EEIG1: variants seen among roughly 807,000 people sequenced by gnomAD.
The protein encoded by EEIG1 is early estrogen-induced gene 1 protein.
chr9:127,956,732 T>TTATTA, the EEIG1 span, among the ~76,000 whole-genome samples: 1 of 149,534 alleles, frequency 6.7e-6, no homozygotes, highest in East Asian at 2.0e-4. Flanking sequence ...TATTATTATT[T>TTATTA]GAGACAGAGT....
the EEIG1 span, chr9:127,953,749 T>C: frequency 6.2e-7 from 1 of 1,613,606 alleles, no homozygotes; most frequent in Non-Finnish European, 8.5e-7. Flanking sequence ...TGCGGACTCA[T>C]GAGGGGAGGG....
chr9:127,974,103 A>ACTAGGCAT, the EEIG1 span, among the ~76,000 whole-genome samples: 5 of 152,130 alleles, frequency 3.3e-5, no homozygotes, highest in Non-Finnish European at 7.4e-5. Context: ...CTTACTAAGT[A>ACTAGGCAT]CTAGGCATGA....
chr9:127,949,194 G>T, the EEIG1 span, among the ~76,000 whole-genome samples: 2 of 151,444 alleles, frequency 1.3e-5, no homozygotes, highest in African/African-American at 4.9e-5. Context: ...GGCACCTGTA[G>T]TCCCAGCTAC....
At chr9:127,944,946 A>G in the EEIG1 span, 1 of 1,590,536 alleles carries the variant, frequency 6.3e-7, no homozygotes, top group Non-Finnish European at 8.6e-7. Context: ...GGGCAGTAAC[A>G]GGTACAAGCA....
At chr9:127,943,487 T>G in the EEIG1 span, 1 of 543,626 alleles carries the variant, frequency 1.8e-6, no homozygotes, top group Admixed American at 3.2e-5. Flanking sequence ...ATCCTCACGG[T>G]CACCTCGGCA....
the EEIG1 span, chr9:127,979,846 G>A: frequency 1.0e-6 from 1 of 995,020 alleles, no homozygotes; most frequent in Non-Finnish European, 1.4e-6. Flanking sequence ...CTCAGGCCCA[G>A]TCCTGCCTTG....
the EEIG1 span, among the ~76,000 whole-genome samples, chr9:127,952,111 C>T: frequency 1.3e-5 from 2 of 152,242 alleles, no homozygotes; most frequent in Non-Finnish European, 2.9e-5. Flanking sequence ...GCTGGTAATT[C>T]CTTTCCTGGC....
At chr9:127,976,479 T>C in the EEIG1 span, among the ~76,000 whole-genome samples, 1 of 152,256 alleles carries the variant, frequency 6.6e-6, no homozygotes, top group Non-Finnish European at 1.5e-5. This position sits in a 1 kb window ranked among gnomAD's most constrained non-coding sequence, Gnocchi z 4.1. Context: ...CTGGGTGACC[T>C]CTGGCACTCA....
chr9:127,973,564 A>G, the EEIG1 span, among the ~76,000 whole-genome samples: 5 of 152,192 alleles, frequency 3.3e-5, no homozygotes, highest in Non-Finnish European at 7.4e-5. This position sits in a 1 kb window ranked among gnomAD's most constrained non-coding sequence, Gnocchi z 4.2. Flanking sequence ...CCAACAGTGC[A>G]GCCAGCTGGC....
chr9:127,943,105 G>T, the EEIG1 span: 1 of 1,256,702 alleles, frequency 8.0e-7, no homozygotes, highest in Non-Finnish European at 1.2e-6. Flanking sequence ...GCGCAGAGGT[G>T]ATCTGAAGGG....
At chr9:127,953,945 G>A in the EEIG1 span, 3 of 1,612,926 alleles carry the variant, frequency 1.9e-6, no homozygotes, top group Non-Finnish European at 2.5e-6. Context: ...AGAGGCGACA[G>A]GTGAGCACAG....
chr9:127,974,232 T>C, the EEIG1 span, among the ~76,000 whole-genome samples: 8 of 152,132 alleles, frequency 5.3e-5, no homozygotes, highest in Non-Finnish European at 1.0e-4. Context: ...CCAACTCCCA[T>C]TGTCCTTCCC....
the EEIG1 span, among the ~76,000 whole-genome samples, chr9:127,963,563 G>A: frequency 6.6e-6 from 1 of 152,178 alleles, no homozygotes. Context: ...GCTATTTCTG[G>A]GCTGTCTGGA....
the EEIG1 span, among the ~76,000 whole-genome samples, chr9:127,966,879 G>A: frequency 1.2e-3 from 182 of 152,274 alleles, 3 homozygotes; most frequent in African/African-American, 4.1e-3. Context: ...GGTAACGGGT[G>A]GTCTGTACTC....
chr9:127,967,353 G>A, the EEIG1 span, among the ~76,000 whole-genome samples: 1 of 152,176 alleles, frequency 6.6e-6, no homozygotes, highest in Admixed American at 6.5e-5. Flanking sequence ...CTAGGAGATG[G>A]GTGCTGTCAG....
the EEIG1 span, chr9:127,945,787 CAG>C: frequency 2.1e-6 from 3 of 1,398,910 alleles, no homozygotes; most frequent in African/African-American, 2.9e-5. This position sits in a 1 kb window ranked among gnomAD's most constrained non-coding sequence, Gnocchi z 6.5. Context: ...GGTGAGGTGA[CAG>C]GGGTCACCCA....
chr9:127,954,813 T>C, the EEIG1 span, among the ~76,000 whole-genome samples: 4 of 152,196 alleles, frequency 2.6e-5, no homozygotes, highest in African/African-American at 9.6e-5. Flanking sequence ...GGCTCTGGTC[T>C]TCTAGCCCCC....
chr9:127,959,013 C>T, the EEIG1 span, among the ~76,000 whole-genome samples: 1 of 152,126 alleles, frequency 6.6e-6, no homozygotes, highest in Admixed American at 6.5e-5. Flanking sequence ...GAATCAAAGG[C>T]GAAGATGTGG....
At chr9:127,952,315 C>T in the EEIG1 span, among the ~76,000 whole-genome samples, 2 of 152,264 alleles carry the variant, frequency 1.3e-5, no homozygotes, top group Non-Finnish European at 2.9e-5. Flanking sequence ...CTGTATAGCG[C>T]CTCCCTCGGG....
Sources: gnomAD v4.1 joint callset for allele counts (sites outside exome capture counted in the v4.1 genomes callset) on GRCh38, gnomAD v4.1.1 for gene constraint, Gnocchi (gnomAD v3.1) non-coding constraint, MANE v1.5 for transcripts, NCBI Gene and HGNC (gene_info 2026-07-23, HGNC 2026-07-21) for gene names.